ELMOD3: variants seen among roughly 807,000 people sequenced by gnomAD.
The protein encoded by ELMOD3 is ELMO domain-containing protein 3.
Under a neutral mutation model 47.4 loss-of-function variants are expected in ELMOD3, and 36 were observed. The observed-to-expected ratio is 0.76, with a 90% CI of 0.58 to 1.00. ELMOD3 has a LOEUF of 1.00. Among genes scored for constraint, ELMOD3 ranks in the 50% least tolerant of loss-of-function variants. The pLI, the probability that ELMOD3 is intolerant of heterozygous loss-of-function variation, is 0.00. For missense variants in ELMOD3, 404 were observed against 463.8 expected, an observed-to-expected ratio of 0.87 and a Z score of 1.18; for synonymous variants, 149 against 183.5, an observed-to-expected ratio of 0.81 and a Z score of 1.52.
In ELMOD3 at chr2:85,376,723, T is replaced by C. The variant is rs988359794; in HGVS notation, c.608-621T>C. On this transcript the variant is annotated intron_variant, in intron 10 of 13. Coordinates refer to ENST00000409013, the MANE Select transcript of ELMOD3 (RefSeq NM_001135022.2). This position sits in a 1 kb window ranked among gnomAD's most constrained non-coding sequence, Gnocchi z 4.2. ...GTGTTTTGCTGCAGTAGGGTGGGTA[T>C]TGGCTAAAGCCTTCTGTCTTGCTAC... Among the ~76,000 whole-genome samples, 4 of 152,182 alleles carry C rather than the reference T, an allele frequency of 2.6e-5. No homozygotes were observed. The highest frequency in any genetic ancestry group is 2.9e-5 in the Non-Finnish European group (2 of 68,024).
intron 4 of ELMOD3, among the ~76,000 whole-genome samples, chr2:85,358,279 CAAAAA>C (rs1019363756): frequency 1.8e-5 from 1 of 55,782 alleles, no homozygotes; most frequent in Admixed American, 1.9e-4. Flanking sequence ...ACTCTGTCTC[CAAAAA>C]AAAAAAAAAA....
chr2:85,387,457 T>C (rs1686009098), intron 11 of ELMOD3, among the ~76,000 whole-genome samples: 1 of 151,940 alleles, frequency 6.6e-6, no homozygotes, highest in Admixed American at 6.6e-5. Flanking sequence ...AGGTCAGGAC[T>C]TCAAAACCAG....
chr2:85,377,481 CT>C lies in ELMOD3; in HGVS notation c.738+10del, dbSNP rs781018999. The C allele has an allele frequency of 1.0e-5, 16 of 1,604,386 alleles. No individual in the cohort carries two copies. In the African/African-American group the frequency reaches 2.0e-4, roughly 20 times the overall value. On this transcript the variant is annotated splice_region_variant and intron_variant, in intron 11 of 13. Transcript: ENST00000409013. ...GTCTCGTCACCACATCCAGGTGAGA[CT>C]TTGGTGGGAAGCCAGAGGAAAGGAA...
At chr2:85,381,297 TATAAG>T (rs764387368) in intron 11 of ELMOD3, among the ~76,000 whole-genome samples, 1 of 152,206 alleles carries the variant, frequency 6.6e-6, no homozygotes, top group Non-Finnish European at 1.5e-5. Flanking sequence ...CACAGGTCAT[TATAAG>T]ATAAGTCATT....
chr2:85,355,330 C>T (rs1216567022), intron 2 of ELMOD3, 160 bp downstream of exon 2: 2 of 152,258 alleles, frequency 1.3e-5, no homozygotes, highest in East Asian at 1.9e-4. Flanking sequence ...AAAGGATCAG[C>T]TAAGGGCCCA....
Position 85,378,518 on chromosome 2 carries a change from G to A in ELMOD3, c.738+1044G>A, listed in dbSNP as rs570986706. 9.2e-4 allele frequency among the ~76,000 whole-genome samples: 140 copies of A among 152,314 alleles called. 1 individual carries two copies. The highest frequency in any genetic ancestry group is 1.2e-3 in the Non-Finnish European group (79 of 68,036). ...AGGCGGGACAACTAGAAGCAAAAGCGGGAGGACTCGAAGCAGGGAGGGGAC... is the reference window on the plus strand; with the variant it reads ...AGGCGGGACAACTAGAAGCAAAAGCAGGAGGACTCGAAGCAGGGAGGGGAC... On this transcript the variant is annotated intron_variant, in intron 11 of 13. Coordinates refer to ENST00000409013, the MANE Select transcript of ELMOD3 (RefSeq NM_001135022.2).
intron 11 of ELMOD3, among the ~76,000 whole-genome samples, chr2:85,384,579 A>G (rs1479896960): frequency 3.9e-5 from 6 of 152,020 alleles, no homozygotes; most frequent in Non-Finnish European, 5.9e-5. Flanking sequence ...AAAAGGTAGC[A>G]ATCCCTCCAT....
intron 2 of ELMOD3, 74 bp downstream of exon 2, chr2:85,355,244 CT>C: frequency 6.6e-6 from 1 of 152,388 alleles, no homozygotes; most frequent in Non-Finnish European, 1.5e-5. Context: ...ACGGAGTCCT[CT>C]ATGGCGGGTC....
At chr2:85,364,465 T>G (rs1322922513) in intron 6 of ELMOD3, among the ~76,000 whole-genome samples, 2 of 151,550 alleles carry the variant, frequency 1.3e-5, no homozygotes, top group African/African-American at 4.9e-5. Flanking sequence ...ACGCCTGTAA[T>G]CCCAGCTACT....
chr2:85,367,414 C>T (rs1573101593), intron 6 of ELMOD3, among the ~76,000 whole-genome samples: 2 of 152,294 alleles, frequency 1.3e-5, no homozygotes, highest in Admixed American at 6.5e-5. Flanking sequence ...TGTGAAAAGG[C>T]ACCAAGGGTG....
chr2:85,381,730 A>G (rs779414914), intron 11 of ELMOD3, among the ~76,000 whole-genome samples: 3 of 152,204 alleles, frequency 2.0e-5, no homozygotes, highest in Non-Finnish European at 4.4e-5. Flanking sequence ...AGAGTTGAGT[A>G]GCTTTAATTT....
In ELMOD3 at chr2:85,357,257, G is replaced by A. The variant is rs369863609; in HGVS notation, c.54+5G>A. On this transcript the variant is annotated splice_donor_5th_base_variant and intron_variant, in intron 4 of 13. Coordinates refer to ENST00000409013, the MANE Select transcript of ELMOD3 (RefSeq NM_001135022.2). The stretch of plus-strand genomic sequence containing the variant: ...GAAGAATTAAGAGATGGACAGGTAA[G>A]CATGCACTCTTATTTGGGAAAGGTG... The A allele has an allele frequency of 9.5e-6, 15 of 1,580,754 alleles. No individual in the cohort carries two copies. Among genetic ancestry groups the A allele is most frequent in the Admixed American group, 1.7e-5 (1 of 58,506 alleles).
chr2:85,387,896 C>G (rs1686051274), intron 11 of ELMOD3, among the ~76,000 whole-genome samples: 1 of 152,102 alleles, frequency 6.6e-6, no homozygotes, highest in Admixed American at 6.6e-5. Context: ...CCACAGGAAA[C>G]CAGGTGGTGA....
intron 4 of ELMOD3, among the ~76,000 whole-genome samples, chr2:85,360,283 A>T (rs1327412403): frequency 1.3e-5 from 2 of 151,136 alleles, no homozygotes; most frequent in African/African-American, 4.8e-5. Context: ...AAAAAAAAAA[A>T]AAAGCCACCA....
chr2:85,367,368 G>T (rs1319851005), intron 6 of ELMOD3, among the ~76,000 whole-genome samples: 1 of 152,184 alleles, frequency 6.6e-6, no homozygotes, highest in Non-Finnish European at 1.5e-5. Context: ...AGGTGGCAGT[G>T]CCTGGAGTCT....
Position 85,377,463 on chromosome 2 carries a change from CACCA to C in ELMOD3, c.728_731del (p.His243ProfsTer9). The C allele has an allele frequency of 6.2e-7, 1 of 1,607,770 alleles. No homozygotes were observed. The highest frequency in any genetic ancestry group is 1.3e-5 in the African/African-American group (1 of 74,700). On this transcript the variant is annotated frameshift_variant, in exon 11 of 14. Transcript: ENST00000409013. LOFTEE classifies it high-confidence loss of function. ...GCAGGAGATTTTCCGCCTGTCTCGT[CACCA>C]CATCCAGGTGAGACTTTGGTGGGAA... is the stretch of plus-strand genomic sequence containing the variant.
In ELMOD3 at chr2:85,371,515, T is replaced by A. The variant is rs772622572; in HGVS notation, c.560T>A (p.Phe187Tyr). The A allele has an allele frequency of 1.9e-6, 3 of 1,614,242 alleles. No homozygotes were observed. The highest frequency in any genetic ancestry group is 2.5e-6 in the Non-Finnish European group (3 of 1,180,044). Residue 187 changes from phenylalanine (F) to tyrosine (Y), a missense_variant, in exon 10 of 14, where the codon TTT becomes TAT. Coordinates refer to ENST00000409013, the MANE Select transcript of ELMOD3 (RefSeq NM_001135022.2). Reference protein sequence around the residue: ...TIYKKLTGSKFDCALHGNHWE... With the variant: ...TIYKKLTGSKYDCALHGNHWE... ...TATAAGAAGCTGACCGGCTCCAAGT[T>A]TGACTGTGCCCTTCATGGAAACCAC...
intron 11 of ELMOD3, chr2:85,389,540 C>T: frequency 1.7e-6 from 1 of 595,690 alleles, no homozygotes; most frequent in Non-Finnish European, 3.0e-6. Flanking sequence ...TCCTGGTTCC[C>T]ATGCCTTAGG....
chr2:85,374,663 G>C, intron 10 of ELMOD3, among the ~76,000 whole-genome samples: 1 of 151,740 alleles, frequency 6.6e-6, no homozygotes, highest in East Asian at 2.0e-4. Context: ...CTTTTGTTTA[G>C]TAGCCAGGTG....
Sources: allele counts gnomAD v4.1 joint callset (sites outside exome capture counted in the v4.1 genomes callset), GRCh38; gene constraint gnomAD v4.1.1; non-coding constraint Gnocchi (gnomAD v3.1); transcripts MANE v1.5; gene names NCBI Gene and HGNC (gene_info 2026-07-23, HGNC 2026-07-21).